CMC1: variants seen among roughly 807,000 people sequenced by gnomAD.
CMC1 encodes the protein C-X9-C motif containing 1.
Under a neutral mutation model 14.1 loss-of-function variants are expected in CMC1, and 14 were observed. The ratio of observed to expected loss-of-function variants is 0.99; its 90% CI spans 0.66 to 1.55. CMC1 has a LOEUF of 1.55. Among genes scored for constraint, CMC1 ranks in the 40% most tolerant of loss-of-function variants. The probability of loss-of-function intolerance (pLI) is 0.00; values close to 1 mark genes in which losing one functional copy is unlikely to be tolerated. For synonymous variants in CMC1, 50 were observed against 38.4 expected (o/e 1.30, Z -1.12); for missense variants, 127 against 123.8 (o/e 1.03, Z -0.12).
chr3:28,278,205 A>G (rs1700695040), intron 2 of CMC1, among the ~76,000 whole-genome samples: 1 of 152,134 alleles, frequency 6.6e-6, no homozygotes, highest in African/African-American at 2.4e-5. Flanking sequence ...ATGGCTCCTT[A>G]TTTGTCCTGA....
intron 1 of CMC1, among the ~76,000 whole-genome samples, chr3:28,259,410 T>A (rs891091200): frequency 4.6e-5 from 7 of 152,046 alleles, no homozygotes; most frequent in African/African-American, 1.4e-4. Flanking sequence ...AGGGGTACAT[T>A]AGGAAAAAAT....
chr3:28,293,124 C>G (rs1337520117), intron 2 of CMC1, among the ~76,000 whole-genome samples: 1 of 152,048 alleles, frequency 6.6e-6, no homozygotes, highest in Non-Finnish European at 1.5e-5. Context: ...ACGTTAAGTG[C>G]AGTAGTTCTA....
chr3:28,274,221 T>TGTTTTTTG lies in CMC1; in HGVS notation c.109+10841_109+10842insGTTTTTTG, dbSNP rs1700458602. Among the ~76,000 whole-genome samples, 12 of 69,436 alleles carry TGTTTTTTG rather than the reference T, an allele frequency of 1.7e-4. 1 individual carries two copies. Among genetic ancestry groups the TGTTTTTTG allele is most frequent in the African/African-American group, 8.8e-4 (10 of 11,380 alleles). The allele number at this position is 69,436 out of a possible 152,430, so 45.6% of individuals were successfully genotyped here. Reference sequence around the variant, plus strand: ...GTACTAAAGTGTTTTTGTTTTTTTCTTTTTTTTTTTTTTTGCAGTGGCTAG... The same window carrying TGTTTTTTG: ...GTACTAAAGTGTTTTTGTTTTTTTCTGTTTTTTGTTTTTTTTTTTTTTGCAGTGGCTAG... On this transcript the variant is annotated intron_variant, in intron 2 of 3. Transcript: ENST00000466830.
intron 2 of CMC1, among the ~76,000 whole-genome samples, chr3:28,288,455 TC>T (rs1701309303): frequency 1.3e-5 from 2 of 152,078 alleles, no homozygotes; most frequent in South Asian, 4.1e-4. Flanking sequence ...CATTGACTTA[TC>T]CTTGCTCTTT....
chr3:28,315,205 G>A (rs1306114875), intron 2 of CMC1: 1 of 152,266 alleles, frequency 6.6e-6, no homozygotes, highest in Non-Finnish European at 1.5e-5. Flanking sequence ...ATATTGTCCT[G>A]TGTAAGGGAT....
intron 2 of CMC1, among the ~76,000 whole-genome samples, chr3:28,265,699 G>A (rs1699974262): frequency 6.6e-6 from 1 of 152,024 alleles, no homozygotes; most frequent in African/African-American, 2.4e-5. Context: ...GAAGGGAATG[G>A]AACAGCTTTT....
chr3:28,247,915 C>T (rs1295330181), intron 1 of CMC1, among the ~76,000 whole-genome samples: 1 of 152,076 alleles, frequency 6.6e-6, no homozygotes, highest in East Asian at 1.9e-4. Context: ...CTCCCATCTT[C>T]CCTATCCCCA....
chr3:28,284,038 T>C (rs1347483107), intron 2 of CMC1, among the ~76,000 whole-genome samples: 5 of 152,218 alleles, frequency 3.3e-5, no homozygotes, highest in Non-Finnish European at 1.5e-5. Context: ...TTTTGGAAAT[T>C]AGAATATCTG....
chr3:28,288,029 G>T (rs950677441), intron 2 of CMC1, among the ~76,000 whole-genome samples: 1 of 151,876 alleles, frequency 6.6e-6, no homozygotes, highest in Admixed American at 6.6e-5. Context: ...ATGCTCAATA[G>T]CTGCATGTGG....
chr3:28,324,332 G>T lies in CMC1; in HGVS notation c.*4703G>T. On this transcript the variant is annotated 3_prime_UTR_variant, in exon 4 of 4. Coordinates refer to ENST00000466830, the MANE Select transcript of CMC1 (RefSeq NM_182523.2). Reference sequence around the variant, plus strand: ...CCTGGTAAAGGGGAAGATGTGGTATGACAAAGAGCTTTGCCATTTGGTAAG... The same window carrying T: ...CCTGGTAAAGGGGAAGATGTGGTATTACAAAGAGCTTTGCCATTTGGTAAG... 1 of 1,603,396 alleles carries T rather than the reference G, an allele frequency of 6.2e-7. No homozygotes were observed.
intron 1 of CMC1, chr3:28,253,862 C>A: frequency 1.9e-6 from 1 of 516,422 alleles, no homozygotes; most frequent in Non-Finnish European, 3.4e-6. Context: ...AAGGGCATAA[C>A]TTGCCCTTCA....
chr3:28,255,431 A>G (rs1699345806), intron 1 of CMC1, among the ~76,000 whole-genome samples: 1 of 151,488 alleles, frequency 6.6e-6, no homozygotes, highest in South Asian at 2.1e-4. Flanking sequence ...TTTTCACTAG[A>G]GACAGAGTTT....
chr3:28,244,861 A>G (rs1698730521), intron 1 of CMC1, among the ~76,000 whole-genome samples: 1 of 151,968 alleles, frequency 6.6e-6, no homozygotes, highest in Non-Finnish European at 1.5e-5. Flanking sequence ...ATGGAGAGTA[A>G]AAAAGTGGAG....
chr3:28,241,740 C>T lies in CMC1; in HGVS notation c.-54C>T. 8.1e-7 allele frequency: 1 copy of T among 1,241,886 alleles called. No individual in the cohort carries two copies. Among genetic ancestry groups the T allele is most frequent in the Non-Finnish European group, 1.0e-6 (1 of 988,076 alleles). The allele number at this position is 1,241,886 out of a possible 1,614,324, so 76.9% of individuals were successfully genotyped here. The stretch of plus-strand genomic sequence containing the variant: ...GCCCAAGCCCCTCCCCTCCACTCCC[C>T]TTCCTGCGTGCCCCGGAGCCGCCAA... On this transcript the variant is annotated 5_prime_UTR_variant, in exon 1 of 4. Coordinates refer to ENST00000466830, the MANE Select transcript of CMC1 (RefSeq NM_182523.2).
chr3:28,292,317 C>T (rs1327648620), intron 2 of CMC1, among the ~76,000 whole-genome samples: 1 of 152,116 alleles, frequency 6.6e-6, no homozygotes, highest in Non-Finnish European at 1.5e-5. Flanking sequence ...CAATATCTTG[C>T]AGTTTTACCC....
At chr3:28,255,138 A>T (rs1451607611) in intron 1 of CMC1, among the ~76,000 whole-genome samples, 1 of 151,324 alleles carries the variant, frequency 6.6e-6, no homozygotes, top group Non-Finnish European at 1.5e-5. Context: ...CCTTTCCCTC[A>T]TCCCCTTTAG....
At chr3:28,283,995 A>G (rs533649175) in intron 2 of CMC1, among the ~76,000 whole-genome samples, 1 of 152,302 alleles carries the variant, frequency 6.6e-6, no homozygotes, top group South Asian at 2.1e-4. Flanking sequence ...CCTCCCATAG[A>G]TATATTTTAT....
At chr3:28,285,706 CT>C (rs1355851258) in intron 2 of CMC1, among the ~76,000 whole-genome samples, 28 of 150,942 alleles carry the variant, frequency 1.9e-4, no homozygotes, top group Admixed American at 9.9e-4. Flanking sequence ...AAACCCATGA[CT>C]TTTGGACCAA....
rs376321066 is a variant in CMC1 at position 28,274,212 on chromosome 3, G to GTTTTTTTTTTTTTTTTTTTTT, written c.109+10839_109+10840insTTTTTTTTTTTTTTTTTTTTT. Among the ~76,000 whole-genome samples, 31 of 88,166 alleles carry GTTTTTTTTTTTTTTTTTTTTT rather than the reference G, an allele frequency of 3.5e-4. 1 individual carries two copies. The highest frequency in any genetic ancestry group is 5.3e-4 in the African/African-American group (11 of 20,680). The allele number at this position is 88,166 out of a possible 152,430, so 57.8% of individuals were successfully genotyped here. ...TTGGTCTTTGTACTAAAGTGTTTTT[G>GTTTTTTTTTTTTTTTTTTTTT]TTTTTTTCTTTTTTTTTTTTTTTGC... On this transcript the variant is annotated intron_variant, in intron 2 of 3. Coordinates refer to ENST00000466830, the MANE Select transcript of CMC1 (RefSeq NM_182523.2).
Sources: allele counts gnomAD v4.1 joint callset (sites outside exome capture counted in the v4.1 genomes callset), GRCh38; gene constraint gnomAD v4.1.1; transcripts MANE v1.5; gene names NCBI Gene and HGNC (gene_info 2026-07-23, HGNC 2026-07-21).